Variants in ELOVL6 observed in about 807,000 individuals in gnomAD.
ELOVL6 encodes the protein ELOVL fatty acid elongase 6.
ELOVL6 carries 8 observed loss-of-function variants against 31.7 expected under a neutral mutation model. The observed-to-expected ratio is 0.25, with a 90% CI of 0.15 to 0.45. ELOVL6 has a LOEUF of 0.45. ELOVL6 is among the 20% of genes least tolerant of loss of function. ELOVL6 has a pLI of 1.00. For synonymous variants in ELOVL6, 101 were observed against 117.7 expected (o/e 0.86, Z 0.92); for missense variants, 126 against 326.4 (o/e 0.39, Z 4.73).
chr4:110,141,715 A>G (rs1044055753), intron 1 of ELOVL6, among the ~76,000 whole-genome samples: 1 of 147,146 alleles, frequency 6.8e-6, no homozygotes, highest in African/African-American at 2.5e-5. Context: ...GTATTAGCAT[A>G]TATATACTAA....
chr4:110,157,860 C>T (rs1448128770), intron 1 of ELOVL6, among the ~76,000 whole-genome samples: 1 of 152,132 alleles, frequency 6.6e-6, no homozygotes. Context: ...ATTATATTGA[C>T]AAGCAAATTA....
At chr4:110,141,298 G>A (rs1757947052) in intron 1 of ELOVL6, among the ~76,000 whole-genome samples, 1 of 152,086 alleles carries the variant, frequency 6.6e-6, no homozygotes, top group Non-Finnish European at 1.5e-5. Flanking sequence ...CCCAACCTCA[G>A]GTGATCCACC....
chr4:110,110,655 C>T (rs1757009578), intron 1 of ELOVL6, among the ~76,000 whole-genome samples: 1 of 152,054 alleles, frequency 6.6e-6, no homozygotes, highest in South Asian at 2.1e-4. Flanking sequence ...CTCAGCCTCC[C>T]AAAGTGCTGG....
At chr4:110,083,751 G>A (rs1171492048) in intron 2 of ELOVL6, among the ~76,000 whole-genome samples, 2 of 150,292 alleles carry the variant, frequency 1.3e-5, no homozygotes, top group East Asian at 1.9e-4. Context: ...ATTGTGTCCC[G>A]CATTTCCAAA....
Position 110,155,669 on chromosome 4 carries a change from T to C in ELOVL6, c.89+42578A>G, listed in dbSNP as rs78423562. Among the ~76,000 whole-genome samples, 20 of 152,226 alleles carry C rather than the reference T, an allele frequency of 1.3e-4. No homozygotes were observed. The East Asian group carries it at 3.9e-3, about 29-fold the overall frequency. On this transcript the variant is annotated intron_variant, in intron 1 of 3. Coordinates refer to ENST00000302274, the MANE Select transcript of ELOVL6 (RefSeq NM_024090.3). ...ATCTAGACCCCGAGACAGTTCAATA[T>C]GCATGATACAATGGCTACATATTGC...
intron 1 of ELOVL6, among the ~76,000 whole-genome samples, chr4:110,128,471 G>A (rs1044597291): frequency 2.0e-5 from 3 of 152,212 alleles, no homozygotes; most frequent in African/African-American, 7.2e-5. Context: ...GCTGGAGCTT[G>A]AGTAAGTCTG....
chr4:110,117,903 A>AAAAAAAAATATATATATAT, intron 1 of ELOVL6: 5 of 6,492 alleles, frequency 7.7e-4, no homozygotes, highest in East Asian at 6.3e-3. Context: ...AAAAAAAAAA[A>AAAAAAAAATATATATATAT]ATATATATAT....
rs926654528 is a variant in ELOVL6 at position 110,160,846 on chromosome 4, G to A, written c.89+37401C>T. ...TTGGGAAACAGCTAAACAGAGAGAA[G>A]GAATGCAAGCATCTCACACACTGAC... is the stretch of plus-strand genomic sequence containing the variant. On this transcript the variant is annotated intron_variant, in intron 1 of 3. Transcript: ENST00000302274. Among the ~76,000 whole-genome samples, 3 of 152,166 alleles carry A rather than the reference G, an allele frequency of 2.0e-5. No homozygotes were observed. The South Asian group carries it at 6.2e-4, about 32-fold the overall frequency.
chr4:110,144,835 T>A (rs1758062576), intron 1 of ELOVL6, among the ~76,000 whole-genome samples: 1 of 152,128 alleles, frequency 6.6e-6, no homozygotes, highest in African/African-American at 2.4e-5. Context: ...AAGAAATAAG[T>A]TGTTAAGATG....
At chr4:110,145,350 T>C (rs1758076619) in intron 1 of ELOVL6, among the ~76,000 whole-genome samples, 1 of 152,046 alleles carries the variant, frequency 6.6e-6, no homozygotes, top group African/African-American at 2.4e-5. Flanking sequence ...CAAATATACA[T>C]GATATCCAGG....
At chr4:110,190,333 A>G (rs1759578336) in intron 1 of ELOVL6, among the ~76,000 whole-genome samples, 1 of 152,200 alleles carries the variant, frequency 6.6e-6, no homozygotes, top group Non-Finnish European at 1.5e-5. Context: ...AGGGTTTCCT[A>G]GTAATAGGAA....
intron 2 of ELOVL6, among the ~76,000 whole-genome samples, chr4:110,071,304 A>G (rs1323383660): frequency 6.6e-6 from 1 of 152,222 alleles, no homozygotes; most frequent in Non-Finnish European, 1.5e-5. Context: ...CTGAATTATT[A>G]TTAGCACAAA....
intron 1 of ELOVL6, among the ~76,000 whole-genome samples, chr4:110,117,355 G>A (rs1757195799): frequency 6.6e-6 from 1 of 152,098 alleles, no homozygotes. Context: ...CACTGATTGG[G>A]GTGATACCAC....
At chr4:110,158,491 G>C (rs370586145) in intron 1 of ELOVL6, among the ~76,000 whole-genome samples, 2 of 141,554 alleles carry the variant, frequency 1.4e-5, no homozygotes, top group Non-Finnish European at 3.2e-5. Flanking sequence ...CCGAGGGCAC[G>C]ATCAGTCAAG....
At chr4:110,088,821 C>T (rs1756340730) in intron 2 of ELOVL6, among the ~76,000 whole-genome samples, 1 of 152,166 alleles carries the variant, frequency 6.6e-6, no homozygotes, top group African/African-American at 2.4e-5. Flanking sequence ...GGATTCATGT[C>T]CTGAGAGGGA....
intron 2 of ELOVL6, among the ~76,000 whole-genome samples, chr4:110,083,056 C>T (rs577987162): frequency 4.0e-5 from 6 of 151,774 alleles, no homozygotes; most frequent in Admixed American, 3.9e-4. Flanking sequence ...TAGGTTGTTT[C>T]TCTCTGGGTT....
At chr4:110,113,748 T>C (rs1757103401) in intron 1 of ELOVL6, among the ~76,000 whole-genome samples, 1 of 152,204 alleles carries the variant, frequency 6.6e-6, no homozygotes, top group East Asian at 1.9e-4. Context: ...AACGATCTAG[T>C]GATAGTAAAA....
At chr4:110,128,207 T>A (rs1249960730) in intron 1 of ELOVL6, among the ~76,000 whole-genome samples, 1 of 151,958 alleles carries the variant, frequency 6.6e-6, no homozygotes, top group Non-Finnish European at 1.5e-5. Flanking sequence ...GCCAGAGGCA[T>A]GAGAGAGAAA....
intron 1 of ELOVL6, among the ~76,000 whole-genome samples, chr4:110,175,284 G>A (rs1039656090): frequency 6.6e-6 from 1 of 152,054 alleles, no homozygotes; most frequent in African/African-American, 2.4e-5. Context: ...ACGGGAGGCT[G>A]GGACATGAAA....
Sources: allele counts gnomAD v4.1 joint callset (sites outside exome capture counted in the v4.1 genomes callset), GRCh38; gene constraint gnomAD v4.1.1; transcripts MANE v1.5; gene names NCBI Gene and HGNC (gene_info 2026-07-23, HGNC 2026-07-21).